Variants in PCDHA5 observed in about 807,000 individuals in gnomAD.
PCDHA5 encodes the protein protocadherin alpha 5, also known as protocadherin alpha-5.
PCDHA5 carries 43 observed loss-of-function variants against 61.6 expected under a neutral mutation model. That is an observed-to-expected ratio of 0.70 (90% CI 0.55 to 0.90). The LOEUF (loss-of-function observed/expected upper bound fraction) is 0.90. PCDHA5 is among the 40% of genes least tolerant of loss of function. The pLI, the probability that PCDHA5 is intolerant of heterozygous loss-of-function variation, is 0.00. For missense variants in PCDHA5, 1,298 were observed against 1,222.7 expected (o/e 1.06, Z -0.92); for synonymous variants, 627 against 543.9 (o/e 1.15, Z -2.13).
intron 1 of PCDHA5, chr5:140,966,517 A>T (rs1285058359): frequency 4.6e-6 from 2 of 435,352 alleles, no homozygotes; most frequent in Non-Finnish European, 8.0e-6. Context: ...CAGCAGCAGG[A>T]AGCCGAGCCG....
rs1767736595 is a variant in PCDHA5, at chr5:140,823,505, G to A, written c.1730G>A (p.Ser577Asn). The change falls in exon 1 of 4, where the codon AGC becomes AAC. Residue 577 changes from serine to asparagine, a missense_variant. Coordinates refer to ENST00000529859, the MANE Select transcript of PCDHA5 (RefSeq NM_018908.3). ...PRVGGTGGAV[S>N]ELVPRSVGAG... is the part of the protein sequence containing the mutation. ...GTGGGTGGCACCGGCGGCGCAGTGA[G>A]CGAGCTGGTGCCGAGGTCAGTGGGT... The A allele has an allele frequency of 6.2e-7, 1 of 1,613,446 alleles. No homozygotes were observed. Among genetic ancestry groups the A allele is most frequent in the Non-Finnish European group, 8.5e-7 (1 of 1,179,742 alleles).
intron 1 of PCDHA5, among the ~76,000 whole-genome samples, chr5:140,910,282 T>C (rs557559116): frequency 1.3e-5 from 2 of 152,300 alleles, no homozygotes; most frequent in East Asian, 1.9e-4. Context: ...AGGAACACCA[T>C]GATTAATCAA....
At chr5:140,851,466 A>C in intron 1 of PCDHA5, 1 of 895,524 alleles carries the variant, frequency 1.1e-6, no homozygotes, top group Non-Finnish European at 1.4e-6. Context: ...AAATTATGTC[A>C]ATAAATGTTA....
intron 1 of PCDHA5, chr5:140,857,507 G>A (rs782043318): frequency 1.3e-6 from 2 of 1,598,186 alleles, no homozygotes; most frequent in South Asian, 1.1e-5. Context: ...GCAGGAGAAC[G>A]CCCTGGTGTC....
Position 140,925,082 on chromosome 5 carries a change from A to AAAGGAAGG in PCDHA5, c.2353-53849_2353-53842dup, listed in dbSNP as rs138596875. 2.5e-3 allele frequency among the ~76,000 whole-genome samples: 363 copies of AAAGGAAGG among 147,386 alleles called. 3 individuals carry two copies. The highest frequency in any genetic ancestry group is 8.0e-3 in the African/African-American group (310 of 38,948). ...GCAACAAAGCAACACGCTCATCTGG[A>AAAGGAAGG]AAGGAAGGAAGGAAGGAAGGAAGGA... On this transcript the variant is annotated intron_variant, in intron 1 of 3. Transcript: ENST00000529859.
Position 140,830,125 on chromosome 5 carries a change from G to C in PCDHA5, c.2352+5998G>C, listed in dbSNP as rs2150181468. ...TGGAGAGTGGCCAGGCTCCAAAGGC[G>C]TCATCACGGGCGTCGGTGGGCGCCG... On this transcript the variant is annotated intron_variant, in intron 1 of 3. Coordinates refer to ENST00000529859, the MANE Select transcript of PCDHA5 (RefSeq NM_018908.3). 3.9e-5 allele frequency: 63 copies of C among 1,613,452 alleles called. No individual in the cohort carries two copies. In the South Asian group the frequency reaches 6.7e-4, roughly 17 times the overall value.
chr5:140,869,497 G>C, intron 1 of PCDHA5: 1 of 1,614,202 alleles, frequency 6.2e-7, no homozygotes, highest in South Asian at 1.1e-5. Context: ...CAACCCGCCG[G>C]TGTTCTCGCT....
At chr5:140,896,116 A>G (rs2065393833) in intron 1 of PCDHA5, among the ~76,000 whole-genome samples, 1 of 152,044 alleles carries the variant, frequency 6.6e-6, no homozygotes, top group Admixed American at 6.6e-5. Context: ...TGGCCAATGT[A>G]CTGCATTTTA....
intron 1 of PCDHA5, among the ~76,000 whole-genome samples, chr5:140,948,503 A>G (rs949915439): frequency 1.4e-4 from 22 of 151,736 alleles, no homozygotes; most frequent in Middle Eastern, 3.4e-3. Flanking sequence ...TAGACTTTCT[A>G]TTAAAAATGT....
At chr5:140,847,461 C>T (rs1781028892) in intron 1 of PCDHA5, 1 of 149,664 alleles carries the variant, frequency 6.7e-6, no homozygotes, top group South Asian at 2.1e-4. Context: ...TTTAATTAAT[C>T]GACTTGGACG....
chr5:140,857,649 T>G, intron 1 of PCDHA5: 1 of 1,596,586 alleles, frequency 6.3e-7, no homozygotes, highest in Non-Finnish European at 8.6e-7. Context: ...CAGTTCCAGG[T>G]GAGCGCGCGC....
intron 1 of PCDHA5, among the ~76,000 whole-genome samples, chr5:140,879,471 T>C (rs1320951448): frequency 1.3e-5 from 2 of 152,154 alleles, no homozygotes; most frequent in Non-Finnish European, 2.9e-5. Context: ...AGAATACCGT[T>C]GTGATTGGAA....
At chr5:140,941,255 C>CTTTCTTTCTTTCTCTT (rs782490896) in intron 1 of PCDHA5, among the ~76,000 whole-genome samples, 1 of 44,508 alleles carries the variant, frequency 2.2e-5, no homozygotes, top group East Asian at 7.5e-4. Context: ...TTCTTTCTTT[C>CTTTCTTTCTTTCTCTT]TCTTTCTTTC....
intron 1 of PCDHA5, chr5:140,852,646 A>G (rs1554146012): frequency 1.0e-6 from 1 of 958,708 alleles, no homozygotes; most frequent in Admixed American, 6.4e-5. Context: ...CATTAAACCT[A>G]TCTATATCTG....
chr5:140,973,481 G>A (rs537904841), intron 1 of PCDHA5, among the ~76,000 whole-genome samples: 2 of 152,208 alleles, frequency 1.3e-5, no homozygotes, highest in East Asian at 3.9e-4. Context: ...ATTTCATATT[G>A]GTCACAGGAC....
rs1554150153 is a variant in PCDHA5 at position 140,857,511 on chromosome 5, T to C, written c.2352+33384T>C. 5 of 1,598,148 alleles carry C rather than the reference T, an allele frequency of 3.1e-6. No homozygotes were observed. In the South Asian group the frequency reaches 5.5e-5, roughly 18 times the overall value. On this transcript the variant is annotated intron_variant, in intron 1 of 3. Transcript: ENST00000529859. ...GACGCGGACGCGCAGGAGAACGCCC[T>C]GGTGTCCTACTCTCTGGTGGAGCGG...
chr5:140,933,050 C>T (rs2088825990), intron 1 of PCDHA5, among the ~76,000 whole-genome samples: 1 of 152,018 alleles, frequency 6.6e-6, no homozygotes, highest in Admixed American at 6.5e-5. Context: ...GGATTACAGT[C>T]CAGGATCCTG....
In PCDHA5 at chr5:140,856,896, T is replaced by C. The variant is rs2044262669; in HGVS notation, c.2352+32769T>C. 1.3e-6 allele frequency: 2 copies of C among 1,596,700 alleles called. No homozygotes were observed. Among genetic ancestry groups the C allele is most frequent in the African/African-American group, 1.3e-5 (1 of 74,376 alleles). ...GAAATGATGTATTCATTTAGCTCTT[T>C]GGTCCCACCCACGATAAGAAGGAAA... is the stretch of plus-strand genomic sequence containing the variant. On this transcript the variant is annotated intron_variant, in intron 1 of 3. Transcript: ENST00000529859.
At chr5:140,871,624 A>G in intron 1 of PCDHA5, 1 of 1,409,596 alleles carries the variant, frequency 7.1e-7, no homozygotes, top group African/African-American at 1.4e-5. Context: ...TTTAGATAAC[A>G]ATGTCTGTTC....
Sources: gnomAD v4.1 joint callset for allele counts (sites outside exome capture counted in the v4.1 genomes callset) on GRCh38, gnomAD v4.1.1 for gene constraint, MANE v1.5 for transcripts, NCBI Gene and HGNC (gene_info 2026-07-23, HGNC 2026-07-21) for gene names.